TENM2: variants seen among roughly 807,000 people sequenced by gnomAD.
The protein encoded by TENM2 is teneurin-2.
TENM2 carries 52 observed loss-of-function variants against 245.2 expected under a neutral mutation model. That is an observed-to-expected ratio of 0.21 (90% CI 0.17 to 0.27). TENM2 has a LOEUF of 0.27. Among genes scored for constraint, TENM2 ranks in the 10% least tolerant of loss-of-function variants. The pLI is 1.00. For synonymous variants in TENM2, 1,363 were observed against 1,438.9 expected (o/e 0.95, Z 1.19); for missense variants, 3,046 against 3,666.8 (o/e 0.83, Z 4.37).
intron 2 of TENM2, among the ~76,000 whole-genome samples, chr5:167,513,421 C>A (rs1770105190): frequency 6.6e-6 from 1 of 152,082 alleles, no homozygotes; most frequent in African/African-American, 2.4e-5. Context: ...TAAAGCCTGC[C>A]TCCTAGAAGT....
chr5:168,019,647 T>C (rs1785969789), intron 5 of TENM2, among the ~76,000 whole-genome samples: 2 of 152,206 alleles, frequency 1.3e-5, no homozygotes, highest in Admixed American at 1.3e-4. Flanking sequence ...AAGTTTCCTG[T>C]TCCTATAATG....
At chr5:168,030,378 A>G (rs371635001) in intron 5 of TENM2, among the ~76,000 whole-genome samples, 2 of 151,766 alleles carry the variant, frequency 1.3e-5, no homozygotes, top group African/African-American at 2.4e-5. Flanking sequence ...CTCTTTCATT[A>G]ATTGCTGTCA....
At chr5:168,203,577 C>A in intron 17 of TENM2, 112 bp from the exon 20 acceptor site, 1 of 1,100,042 alleles carries the variant, frequency 9.1e-7, no homozygotes, top group Non-Finnish European at 1.2e-6. Flanking sequence ...GTTTTTGGAA[C>A]AGAATCTGTA....
chr5:167,959,441 A>G (rs1164018063), intron 4 of TENM2, among the ~76,000 whole-genome samples: 1 of 152,048 alleles, frequency 6.6e-6, no homozygotes, highest in Non-Finnish European at 1.5e-5. Context: ...GCTTTATTTC[A>G]TTAAGTTGAT....
the TENM2 span, among the ~76,000 whole-genome samples, chr5:166,986,326 T>G: frequency 6.6e-6 from 1 of 152,132 alleles, no homozygotes; most frequent in Non-Finnish European, 1.5e-5. Context: ...CCAAAAATGG[T>G]TTTCTTCTCT....
intron 2 of TENM2, among the ~76,000 whole-genome samples, chr5:167,863,729 C>T (rs1772052993): frequency 6.6e-6 from 1 of 152,104 alleles, no homozygotes; most frequent in Non-Finnish European, 1.5e-5. Flanking sequence ...CTGAGGCCTA[C>T]AGAATGTAAG....
intron 2 of TENM2, among the ~76,000 whole-genome samples, chr5:167,407,422 C>G (rs1762694486): frequency 6.6e-6 from 1 of 152,060 alleles, no homozygotes; most frequent in Non-Finnish European, 1.5e-5. Flanking sequence ...TTTCCCAGAT[C>G]TTGTAATTTT....
chr5:167,233,341 G>GC, the TENM2 span, among the ~76,000 whole-genome samples: 31,566 of 151,902 alleles, frequency 0.21, 3,817 homozygotes, highest in African/African-American at 0.34. Flanking sequence ...GAAGATAGCG[G>GC]CCCCCCTTCT....
intron 2 of TENM2, among the ~76,000 whole-genome samples, chr5:167,385,967 G>A (rs1438730377): frequency 4.0e-5 from 6 of 151,456 alleles, no homozygotes; most frequent in Admixed American, 4.0e-4. Flanking sequence ...TTGCAATTGT[G>A]AATTGTGCTG....
intron 1 of TENM2, among the ~76,000 whole-genome samples, chr5:167,322,394 G>C (rs549322959): frequency 6.6e-6 from 1 of 152,122 alleles, no homozygotes; most frequent in South Asian, 2.1e-4. Context: ...CCCTCTCTAG[G>C]AAACACCACC....
At chr5:167,226,695 C>T in the TENM2 span, among the ~76,000 whole-genome samples, 2 of 151,958 alleles carry the variant, frequency 1.3e-5, no homozygotes, top group African/African-American at 4.8e-5. Flanking sequence ...CTGTTAGGTT[C>T]ATTTGGTCCA....
At chr5:168,143,638 G>A (rs1755754115) in intron 12 of TENM2, among the ~76,000 whole-genome samples, 1 of 152,142 alleles carries the variant, frequency 6.6e-6, no homozygotes, top group Non-Finnish European at 1.5e-5. Flanking sequence ...AGCAGAAGGA[G>A]GGTGGGGTTT....
chr5:167,724,440 C>T (rs1271037448), intron 2 of TENM2, among the ~76,000 whole-genome samples: 1 of 152,044 alleles, frequency 6.6e-6, no homozygotes, highest in African/African-American at 2.4e-5. Flanking sequence ...TGAGCACTTA[C>T]TATGGTTGAG....
chr5:167,103,381 T>A, the TENM2 span, among the ~76,000 whole-genome samples: 1 of 152,322 alleles, frequency 6.6e-6, no homozygotes, highest in African/African-American at 2.4e-5. Context: ...CTGAATAAAG[T>A]TTCAGGAAGT....
the TENM2 span, among the ~76,000 whole-genome samples, chr5:166,981,980 A>G: frequency 6.6e-6 from 1 of 152,160 alleles, no homozygotes; most frequent in Non-Finnish European, 1.5e-5. Flanking sequence ...TTATGATAAT[A>G]ATTATTAAGT....
At chr5:167,369,355 A>G (rs1048087086) in intron 1 of TENM2, among the ~76,000 whole-genome samples, 12 of 152,228 alleles carry the variant, frequency 7.9e-5, no homozygotes, top group Admixed American at 7.2e-4. Flanking sequence ...CAGATTTTGA[A>G]GTTCCCATCG....
chr5:167,660,210 C>T (rs10434681), intron 2 of TENM2: 1 of 152,368 alleles, frequency 6.6e-6, no homozygotes, highest in Non-Finnish European at 1.5e-5. Context: ...AGCCTGTAAT[C>T]TCAGCACTTT....
At chr5:168,112,876 C>CTGGTT (rs1170133331) in intron 9 of TENM2, among the ~76,000 whole-genome samples, 2 of 152,302 alleles carry the variant, frequency 1.3e-5, no homozygotes, top group East Asian at 3.9e-4. Flanking sequence ...TCCTCTACCA[C>CTGGTT]CTAACCAAGC....
the TENM2 span, among the ~76,000 whole-genome samples, chr5:166,988,980 A>G: frequency 6.6e-6 from 1 of 152,368 alleles, no homozygotes; most frequent in East Asian, 1.9e-4. Context: ...TATGTATTAT[A>G]TAATAAGAAC....
Sources: gnomAD v4.1 joint callset for allele counts (sites outside exome capture counted in the v4.1 genomes callset) on GRCh38, gnomAD v4.1.1 for gene constraint, MANE v1.5 for transcripts, NCBI Gene and HGNC (gene_info 2026-07-23, HGNC 2026-07-21) for gene names.